Variants in KAZN observed in about 807,000 individuals in gnomAD.
The protein encoded by KAZN is kazrin, periplakin interacting protein.
In KAZN, 40 loss-of-function variants were observed where a neutral mutation model predicts 87.4. The observed-to-expected ratio is 0.46, with a 90% CI of 0.36 to 0.60. The LOEUF (loss-of-function observed/expected upper bound fraction) is 0.60, where lower values mean the gene tolerates loss of function less well. KAZN is among the 20% of genes least tolerant of loss of function. KAZN has a pLI of 0.00. For missense variants in KAZN, 898 were observed against 1,073.9 expected (o/e 0.84, Z 2.29); for synonymous variants, 466 against 458.3 (o/e 1.02, Z -0.22).
chr1:15,010,355 C>T (rs984336837), intron 2 of KAZN, among the ~76,000 whole-genome samples: 1 of 149,688 alleles, frequency 6.7e-6, no homozygotes, highest in African/African-American at 2.5e-5. Context: ...GGGTCCTCCT[C>T]TCCAGGGGCA....
chr1:14,087,267 T>C (rs545923021), intron 1 of KAZN, among the ~76,000 whole-genome samples: 40 of 152,186 alleles, frequency 2.6e-4, no homozygotes, highest in Non-Finnish European at 4.9e-4. Context: ...CCAATTTTCT[T>C]TGGCAATATA....
intron 1 of KAZN, among the ~76,000 whole-genome samples, chr1:13,989,503 C>T (rs982639374): frequency 5.3e-5 from 8 of 152,132 alleles, no homozygotes; most frequent in Admixed American, 5.2e-4. Flanking sequence ...AGGCATCTGC[C>T]TACATAGACA....
chr1:14,139,006 C>A (rs1386959327), intron 1 of KAZN, among the ~76,000 whole-genome samples: 2 of 152,222 alleles, frequency 1.3e-5, no homozygotes, highest in East Asian at 1.9e-4. Flanking sequence ...CTGGGCTGGC[C>A]TTCCCAGAAA....
intron 2 of KAZN, among the ~76,000 whole-genome samples, chr1:14,348,746 G>T (rs1446494823): frequency 6.6e-6 from 1 of 152,188 alleles, no homozygotes; most frequent in Non-Finnish European, 1.5e-5. Context: ...CCAAAGCCAT[G>T]AGAATCAGGA....
At chr1:14,782,554 C>CAAAAA (rs71572122) in intron 1 of KAZN, among the ~76,000 whole-genome samples, 1,890 of 65,722 alleles carry the variant, frequency 0.029, no homozygotes, top group Non-Finnish European at 0.035. Context: ...CCTCAAAGAG[C>CAAAAA]AAAAAAAAAA....
intron 1 of KAZN, among the ~76,000 whole-genome samples, chr1:14,022,682 T>C (rs1181279326): frequency 2.0e-5 from 3 of 152,152 alleles, no homozygotes; most frequent in Non-Finnish European, 4.4e-5. Flanking sequence ...TCATTGATAA[T>C]GTGAACACAG....
chr1:14,200,796 C>T (rs772531760), intron 2 of KAZN, among the ~76,000 whole-genome samples: 11 of 151,720 alleles, frequency 7.3e-5, no homozygotes, highest in Non-Finnish European at 1.5e-4. Context: ...TATTGCAATC[C>T]TCTCCACCAC....
intron 1 of KAZN, among the ~76,000 whole-genome samples, chr1:13,932,302 C>T (rs1640551043): frequency 6.8e-6 from 1 of 147,698 alleles, no homozygotes; most frequent in Non-Finnish European, 1.5e-5. Flanking sequence ...GCTCTGTCGC[C>T]CAGGCTGGAG....
At chr1:13,911,569 C>G (rs901851649) in intron 1 of KAZN, among the ~76,000 whole-genome samples, 4 of 152,130 alleles carry the variant, frequency 2.6e-5, no homozygotes, top group African/African-American at 9.7e-5. Context: ...ATGGTTGAGT[C>G]AGAAGAAATG....
intron 1 of KAZN, among the ~76,000 whole-genome samples, chr1:14,046,049 G>T (rs1034556698): frequency 2.0e-5 from 3 of 152,170 alleles, no homozygotes; most frequent in Admixed American, 1.3e-4. Flanking sequence ...TGCTTCTAGA[G>T]GAGCACTTTT....
chr1:14,132,199 C>G (rs1645005976), intron 1 of KAZN, among the ~76,000 whole-genome samples: 1 of 152,196 alleles, frequency 6.6e-6, no homozygotes, highest in South Asian at 2.1e-4. Flanking sequence ...ACCCCATCTC[C>G]TGTCTCCACT....
intron 1 of KAZN, among the ~76,000 whole-genome samples, chr1:14,022,517 A>G (rs1242618973): frequency 2.0e-5 from 3 of 147,958 alleles, no homozygotes; most frequent in Non-Finnish European, 4.5e-5. Context: ...AAAAAAAAGA[A>G]AAAAAGAAAA....
chr1:14,067,633 T>TC (rs36017366), intron 1 of KAZN, among the ~76,000 whole-genome samples: 260 of 151,768 alleles, frequency 1.7e-3, no homozygotes, highest in African/African-American at 4.8e-3. Context: ...CTTCTGTCTG[T>TC]CCCCCCCCAT....
intron 2 of KAZN, among the ~76,000 whole-genome samples, chr1:14,528,337 C>CAAAAAAAAA (rs33960231): frequency 1.6e-4 from 8 of 49,230 alleles, no homozygotes; most frequent in East Asian, 7.6e-4. Context: ...GACTCCATCT[C>CAAAAAAAAA]AAAAAAAAAA....
At chr1:14,666,742 CT>C (rs1639578021) in intron 1 of KAZN, among the ~76,000 whole-genome samples, 1 of 152,058 alleles carries the variant, frequency 6.6e-6, no homozygotes, top group Non-Finnish European at 1.5e-5. Flanking sequence ...CTCTCCTCTT[CT>C]TTTTTTAGTT....
intron 1 of KAZN, among the ~76,000 whole-genome samples, chr1:14,014,548 C>G (rs1640474076): frequency 6.6e-6 from 1 of 152,118 alleles, no homozygotes; most frequent in Non-Finnish European, 1.5e-5. Context: ...AGCTTACTGC[C>G]TATTTCTCTT....
chr1:14,371,601 G>T (rs1479298437), intron 2 of KAZN, among the ~76,000 whole-genome samples: 1 of 152,044 alleles, frequency 6.6e-6, no homozygotes, highest in African/African-American at 2.4e-5. Flanking sequence ...CCTCTTGGAA[G>T]ATGCTGATAA....
At chr1:14,657,560 C>T (rs1638889312) in intron 1 of KAZN, among the ~76,000 whole-genome samples, 1 of 152,158 alleles carries the variant, frequency 6.6e-6, no homozygotes, top group Non-Finnish European at 1.5e-5. Context: ...TGTGAGTTGC[C>T]GCCTTTGCCG....
intron 8 of KAZN, among the ~76,000 whole-genome samples, chr1:15,076,321 C>T (rs1362188394): frequency 6.6e-6 from 1 of 152,214 alleles, no homozygotes; most frequent in African/African-American, 2.4e-5. Flanking sequence ...TTAGTGACAG[C>T]CTGAGCCCAG....
Sources: allele counts gnomAD v4.1 joint callset (sites outside exome capture counted in the v4.1 genomes callset), GRCh38; gene constraint gnomAD v4.1.1; transcripts MANE v1.5; gene names NCBI Gene and HGNC (gene_info 2026-07-23, HGNC 2026-07-21).